The following PCDH15 variants were observed in gnomAD, a reference collection of about 807,000 sequenced individuals.
The protein encoded by PCDH15 is protocadherin related 15, also known as protocadherin-15.
Under a neutral mutation model 178.5 loss-of-function variants are expected in PCDH15, and 129 were observed. The observed-to-expected ratio is 0.72, with a 90% CI of 0.63 to 0.84. The LOEUF (loss-of-function observed/expected upper bound fraction) is 0.84. Among genes scored for constraint, PCDH15 ranks in the 40% least tolerant of loss-of-function variants. The pLI is 0.00. For missense variants in PCDH15, 2,230 were observed against 2,099.9 expected, an observed-to-expected ratio of 1.06 and a Z score of -1.21; for synonymous variants, 800 against 732.0, an observed-to-expected ratio of 1.09 and a Z score of -1.50.
intron 16 of PCDH15, among the ~76,000 whole-genome samples, chr10:54,084,696 C>T (rs991256607): frequency 6.6e-6 from 1 of 151,788 alleles, no homozygotes; most frequent in Non-Finnish European, 1.5e-5. Context: ...CTATAAGTAA[C>T]TGTTTTTCAA....
At chr10:54,485,250 A>T (rs1267259422) in intron 3 of PCDH15, among the ~76,000 whole-genome samples, 1 of 152,000 alleles carries the variant, frequency 6.6e-6, no homozygotes, top group South Asian at 2.1e-4. Context: ...TATATACCAG[A>T]AACTTTCATT....
intron 2 of PCDH15, among the ~76,000 whole-genome samples, chr10:54,972,430 C>T (rs1006974906): frequency 3.3e-5 from 5 of 152,034 alleles, no homozygotes; most frequent in Non-Finnish European, 7.4e-5. Context: ...AGCTCAGCTA[C>T]TCAGGAGACT....
chr10:53,941,739 T>G (rs1357686284), intron 23 of PCDH15, among the ~76,000 whole-genome samples: 1 of 152,226 alleles, frequency 6.6e-6, no homozygotes, highest in East Asian at 1.9e-4. Flanking sequence ...ACTGCCAAAC[T>G]GTCTTCCAAA....
At chr10:54,158,706 A>G (rs1395085243) in intron 13 of PCDH15, among the ~76,000 whole-genome samples, 1 of 86,506 alleles carries the variant, frequency 1.2e-5, no homozygotes, top group Non-Finnish European at 2.0e-5. Context: ...TGGAGTCTCA[A>G]AAATGACACA....
intron 2 of PCDH15, among the ~76,000 whole-genome samples, chr10:54,597,790 T>C (rs2092314558): frequency 6.6e-6 from 1 of 151,852 alleles, no homozygotes; most frequent in Admixed American, 6.6e-5. Flanking sequence ...GAATCATAAA[T>C]GAGAAAGGGA....
rs2092769283 is a variant in PCDH15, at chr10:54,606,981, A to G, written c.91+57191T>C. 4.6e-5 allele frequency: 7 copies of G among 152,108 alleles called. No individual in the cohort carries two copies. The South Asian group carries it at 1.5e-3, about 32-fold the overall frequency. The allele number at this position is 152,108 out of a possible 1,614,324, so 9.4% of individuals were successfully genotyped here. A position where few individuals can be genotyped will look rare whatever the true frequency, so the allele number is the denominator to read the frequency against. On this transcript the variant is annotated intron_variant, in intron 2 of 37. Transcript: ENST00000644397. ...TCCCTAGAGTCATAAAACAAAGGCT[A>G]AATGGTGAGTGGCTGCAAATACACA...
At chr10:54,244,995 G>A (rs890356505) in intron 8 of PCDH15, among the ~76,000 whole-genome samples, 8 of 152,088 alleles carry the variant, frequency 5.3e-5, no homozygotes, top group Non-Finnish European at 1.2e-4. Flanking sequence ...GTCAGGAGAC[G>A]ACTGTTTTTG....
intron 3 of PCDH15, among the ~76,000 whole-genome samples, chr10:54,410,645 C>T (rs1462661609): frequency 6.6e-6 from 1 of 152,038 alleles, no homozygotes; most frequent in African/African-American, 2.4e-5. Flanking sequence ...TAATCTCATT[C>T]ACGTTTTGAT....
intron 2 of PCDH15, among the ~76,000 whole-genome samples, chr10:55,165,770 A>G (rs887235967): frequency 6.6e-6 from 1 of 152,004 alleles, no homozygotes; most frequent in Non-Finnish European, 1.5e-5. Context: ...ATTGCAAATT[A>G]CAGTTATATA....
intron 1 of PCDH15, among the ~76,000 whole-genome samples, chr10:54,749,953 C>T (rs991476306): frequency 1.3e-5 from 2 of 151,818 alleles, no homozygotes; most frequent in East Asian, 3.9e-4. Flanking sequence ...TTTTAACTTC[C>T]CTGATCTCAG....
intron 8 of PCDH15, among the ~76,000 whole-genome samples, chr10:54,268,601 T>C (rs1294609212): frequency 6.6e-6 from 1 of 151,910 alleles, no homozygotes; most frequent in Non-Finnish European, 1.5e-5. Flanking sequence ...TGAAATCCTT[T>C]CCTTTGCAGT....
intron 15 of PCDH15, among the ~76,000 whole-genome samples, chr10:54,130,625 G>A (rs1401551556): frequency 2.0e-5 from 3 of 151,608 alleles, no homozygotes; most frequent in Admixed American, 1.3e-4. Context: ...AAGGGGAAGT[G>A]GGAGGAGGGG....
chr10:54,313,515 A>G (rs2061035063), intron 8 of PCDH15, among the ~76,000 whole-genome samples: 1 of 152,114 alleles, frequency 6.6e-6, no homozygotes, highest in South Asian at 2.1e-4. Context: ...CTACAGAGTG[A>G]ATCTCCAACT....
chr10:54,180,751 C>T (rs2047913581), intron 13 of PCDH15, among the ~76,000 whole-genome samples: 2 of 152,132 alleles, frequency 1.3e-5, no homozygotes, highest in Admixed American at 1.3e-4. Flanking sequence ...CATTCTTCTA[C>T]CACATACCAG....
chr10:55,118,056 T>C (rs1294990648), intron 2 of PCDH15, among the ~76,000 whole-genome samples: 1 of 152,032 alleles, frequency 6.6e-6, no homozygotes, highest in Admixed American at 6.6e-5. Context: ...TAAAAGAATA[T>C]GATGGATAGG....
intron 2 of PCDH15, among the ~76,000 whole-genome samples, chr10:55,475,621 T>C (rs1233919733): frequency 6.6e-6 from 1 of 152,142 alleles, no homozygotes; most frequent in African/African-American, 2.4e-5. Flanking sequence ...CTTTACAATA[T>C]TGTACACAAT....
chr10:55,052,854 A>G (rs1841201011), intron 2 of PCDH15, among the ~76,000 whole-genome samples: 1 of 152,240 alleles, frequency 6.6e-6, no homozygotes, highest in Non-Finnish European at 1.5e-5. Context: ...CGTCAAAATC[A>G]AAAGTGACTA....
At chr10:53,882,665 A>C (rs987293769) in intron 26 of PCDH15, among the ~76,000 whole-genome samples, 7 of 152,134 alleles carry the variant, frequency 4.6e-5, no homozygotes, top group African/African-American at 1.7e-4. Context: ...GCCTGACCCC[A>C]ACTGCTATTT....
intron 2 of PCDH15, among the ~76,000 whole-genome samples, chr10:54,563,926 CAG>C (rs1307141878): frequency 1.3e-5 from 2 of 152,136 alleles, no homozygotes; most frequent in Non-Finnish European, 2.9e-5. Context: ...GGTTGCCTCA[CAG>C]GGGGAGAAAA....
Sources: gnomAD v4.1 joint callset for allele counts (sites outside exome capture counted in the v4.1 genomes callset) on GRCh38, gnomAD v4.1.1 for gene constraint, MANE v1.5 for transcripts, NCBI Gene and HGNC (gene_info 2026-07-23, HGNC 2026-07-21) for gene names.